Variants in PPARGC1A observed in about 807,000 individuals in gnomAD.
PPARGC1A encodes the protein peroxisome proliferator-activated receptor gamma coactivator 1-alpha.
A neutral mutation model predicts 88.7 loss-of-function variants in PPARGC1A; 25 were observed. The observed-to-expected ratio is 0.28, with a 90% CI of 0.21 to 0.39. The LOEUF (loss-of-function observed/expected upper bound fraction) is 0.39, where lower values mean the gene tolerates loss of function less well. PPARGC1A is among the 10% of genes least tolerant of loss of function. PPARGC1A has a pLI of 1.00. For synonymous variants in PPARGC1A, 363 were observed against 355.6 expected, an observed-to-expected ratio of 1.02 and a Z score of -0.24; for missense variants, 880 against 968.7, an observed-to-expected ratio of 0.91 and a Z score of 1.22.
chr4:24,129,267 G>C, the PPARGC1A span, among the ~76,000 whole-genome samples: 1 of 152,098 alleles, frequency 6.6e-6, no homozygotes, highest in Non-Finnish European at 1.5e-5. Flanking sequence ...GAACACATAG[G>C]TTATGAGACT....
the PPARGC1A span, among the ~76,000 whole-genome samples, chr4:24,223,832 A>G: frequency 3.3e-5 from 5 of 152,370 alleles, no homozygotes; most frequent in Admixed American, 3.3e-4. Flanking sequence ...AGACAAATTC[A>G]GTTTGATTTA....
the PPARGC1A span, among the ~76,000 whole-genome samples, chr4:23,950,224 C>T: frequency 6.6e-6 from 1 of 152,206 alleles, no homozygotes; most frequent in African/African-American, 2.4e-5. Flanking sequence ...ATCTTATTAT[C>T]GTTGATAGAG....
At chr4:23,867,941 G>C (rs150690976) in intron 2 of PPARGC1A, among the ~76,000 whole-genome samples, 1 of 152,332 alleles carries the variant, frequency 6.6e-6, no homozygotes, top group Non-Finnish European at 1.5e-5. Flanking sequence ...TCCATTGAGA[G>C]GGTCAAAACC....
the PPARGC1A span, among the ~76,000 whole-genome samples, chr4:24,282,786 G>T: frequency 6.6e-6 from 1 of 152,162 alleles, no homozygotes. Flanking sequence ...CCGGCTGCTT[G>T]CTCCTAAATG....
chr4:24,195,562 G>A, the PPARGC1A span, among the ~76,000 whole-genome samples: 336 of 152,200 alleles, frequency 2.2e-3, 9 homozygotes, highest in Non-Finnish European at 1.1e-3. Flanking sequence ...CCAGATTTGC[G>A]TAATTAAATG....
At chr4:23,881,218 T>C (rs923697113) in intron 2 of PPARGC1A, 7 of 152,210 alleles carry the variant, frequency 4.6e-5, no homozygotes, top group Admixed American at 1.3e-4. Flanking sequence ...GCATCCTGTT[T>C]TCCTTACACA....
chr4:24,055,727 T>C, the PPARGC1A span, among the ~76,000 whole-genome samples: 2 of 152,230 alleles, frequency 1.3e-5, no homozygotes, highest in Non-Finnish European at 2.9e-5. Context: ...GTTGATTAAA[T>C]CCAAGACTGG....
chr4:24,405,506 T>G, the PPARGC1A span, among the ~76,000 whole-genome samples: 1 of 152,194 alleles, frequency 6.6e-6, no homozygotes, highest in Non-Finnish European at 1.5e-5. Context: ...GCTCTGTATA[T>G]GGGAAAATCT....
At chr4:24,383,947 A>G in the PPARGC1A span, among the ~76,000 whole-genome samples, 1 of 152,212 alleles carries the variant, frequency 6.6e-6, no homozygotes. Flanking sequence ...GGTTGAAATG[A>G]AGGAAAAAAT....
chr4:23,829,413 C>T lies in PPARGC1A; in HGVS notation c.552+50G>A, dbSNP rs57638547. The T allele has an allele frequency of 1.7e-3, 2,672 of 1,594,886 alleles. 30 individuals are homozygous for T. In the African/African-American group the frequency reaches 0.025, roughly 15 times the overall value. ...AACTTATTTGTTTTACTGCTTCAAG[C>T]CAAAATCCTTTGGTACATCCCCCCT... On this transcript the variant is annotated intron_variant, in intron 4 of 12. Transcript: ENST00000264867.
At chr4:24,365,636 A>G in the PPARGC1A span, among the ~76,000 whole-genome samples, 13 of 152,308 alleles carry the variant, frequency 8.5e-5, no homozygotes, top group Admixed American at 3.3e-4. Flanking sequence ...CTGTATTGTT[A>G]TTAGATTATT....
the PPARGC1A span, among the ~76,000 whole-genome samples, chr4:24,236,252 G>C: frequency 4.6e-5 from 7 of 152,106 alleles, no homozygotes; most frequent in Non-Finnish European, 8.8e-5. Flanking sequence ...TGGGAGGAGT[G>C]AGCAAGCTTT....
the PPARGC1A span, among the ~76,000 whole-genome samples, chr4:24,155,536 GGCTGCAGTGAGCCAAGATCTCACCACT>G: frequency 1.3e-5 from 2 of 151,604 alleles, no homozygotes; most frequent in Non-Finnish European, 2.9e-5. Flanking sequence ...TGGTAATCAA[GGCTGCAGTGAGCCAAGATCTCACCACT>G]GCACTCCAGC....
At chr4:24,150,772 C>CA in the PPARGC1A span, among the ~76,000 whole-genome samples, 115 of 152,118 alleles carry the variant, frequency 7.6e-4, no homozygotes, top group African/African-American at 2.5e-3. Context: ...GGTTGTACAA[C>CA]AAAAAAAGCA....
the PPARGC1A span, among the ~76,000 whole-genome samples, chr4:24,444,977 A>G: frequency 6.6e-6 from 1 of 151,998 alleles, no homozygotes; most frequent in East Asian, 1.9e-4. Flanking sequence ...TGCTAAGCCC[A>G]GGAGGTGGAG....
intron 10 of PPARGC1A, 35 bp from the exon 11 acceptor site, chr4:23,802,380 G>A (rs774899216): frequency 2.3e-5 from 37 of 1,612,222 alleles, no homozygotes; most frequent in Non-Finnish European, 3.1e-5. Flanking sequence ...TTCTGGAGTG[G>A]GAAAAAAGCT....
intron 2 of PPARGC1A, among the ~76,000 whole-genome samples, chr4:23,861,251 C>G (rs985792560): frequency 6.6e-6 from 1 of 152,126 alleles, no homozygotes; most frequent in African/African-American, 2.4e-5. Flanking sequence ...CTGTATTATT[C>G]GAAACAAAGA....
chr4:23,960,008 A>G, the PPARGC1A span, among the ~76,000 whole-genome samples: 1 of 152,162 alleles, frequency 6.6e-6, no homozygotes, highest in African/African-American at 2.4e-5. Context: ...TCAAGGCCAG[A>G]CTAATGAGCT....
chr4:23,926,845 G>A, the PPARGC1A span, among the ~76,000 whole-genome samples: 6 of 152,096 alleles, frequency 3.9e-5, no homozygotes, highest in South Asian at 2.1e-4. Context: ...CATTATAATC[G>A]CTAGTTTATG....
Sources: gnomAD v4.1 joint callset for allele counts (sites outside exome capture counted in the v4.1 genomes callset) on GRCh38, gnomAD v4.1.1 for gene constraint, MANE v1.5 for transcripts, NCBI Gene and HGNC (gene_info 2026-07-23, HGNC 2026-07-21) for gene names.